The following CHI3L2 variants were observed in gnomAD, a reference collection of about 807,000 sequenced individuals.
CHI3L2 encodes chitinase-3-like protein 2.
In CHI3L2, 47 loss-of-function variants were observed where a neutral mutation model predicts 47.3. The observed-to-expected ratio is 0.99, with a 90% confidence interval of 0.79 to 1.27. The LOEUF is 1.27. Among genes scored for constraint, CHI3L2 ranks in the 50% most tolerant of loss-of-function variants. The pLI, the probability that CHI3L2 is intolerant of heterozygous loss-of-function variation, is 0.00. For missense variants in CHI3L2, 497 were observed against 462.1 expected (o/e 1.08, Z -0.69); for synonymous variants, 198 against 169.9 (o/e 1.17, Z -1.28).
chr1:111,233,562 G>C (rs928635574), intron 4 of CHI3L2, among the ~76,000 whole-genome samples: 1 of 152,062 alleles, frequency 6.6e-6, no homozygotes, highest in Non-Finnish European at 1.5e-5. Flanking sequence ...ATCCAGGAGG[G>C]AGGTGGGGGG....
chr1:111,238,933 G>C lies in CHI3L2; in HGVS notation c.918+1G>C, dbSNP rs202224198. ...TTCAGGCTTCCTGGCCTATTATGAG[G>C]TACCTGGAAACCCCCTGTACCCTCA... On this transcript the variant is annotated splice_donor_variant, in intron 8 of 10. Transcript: ENST00000369748. LOFTEE classifies it high-confidence loss of function. The C allele has an allele frequency of 1.1e-4, 174 of 1,585,676 alleles. No homozygotes were observed. The highest frequency in any genetic ancestry group is 3.5e-4 in the Middle Eastern group (2 of 5,736).
At chr1:111,239,110 T>C (rs1659973415) in intron 8 of CHI3L2, among the ~76,000 whole-genome samples, 178 bp downstream of exon 8, 1 of 152,116 alleles carries the variant, frequency 6.6e-6, no homozygotes, top group South Asian at 2.1e-4. Flanking sequence ...GAATGCTTCC[T>C]GGAGGAAGTG....
At chr1:111,239,133 C>T (rs1307350789) in intron 8 of CHI3L2, among the ~76,000 whole-genome samples, 1 of 152,104 alleles carries the variant, frequency 6.6e-6, no homozygotes, top group Non-Finnish European at 1.5e-5. Flanking sequence ...ATAAGCTGGA[C>T]TCTGAAGAGG....
chr1:111,241,055 G>A (rs1207351617), intron 8 of CHI3L2, among the ~76,000 whole-genome samples: 2 of 152,142 alleles, frequency 1.3e-5, no homozygotes, highest in African/African-American at 4.8e-5. Context: ...TTATTGGTCG[G>A]TGCTGGGGTC....
intron 4 of CHI3L2, among the ~76,000 whole-genome samples, 192 bp from the exon 5 acceptor site, chr1:111,234,715 C>T (rs932431812): frequency 6.6e-6 from 1 of 152,218 alleles, no homozygotes; most frequent in Non-Finnish European, 1.5e-5. Context: ...CTTCCTTTAC[C>T]TGGCTGGATC....
Position 111,235,734 on chromosome 1 carries a change from T to A in CHI3L2, c.576T>A (p.Asp192Glu), listed in dbSNP as rs769682705. Residue 192 changes from aspartate to glutamate, a missense_variant, in exon 6 of 11, where the codon GAT (aspartate) becomes GAA (glutamate). Transcript: ENST00000369748. ...AGVSAGRQMI[D>E]NSYQVEKLAK... ...TATCTGCAGGGAGGCAAATGATTGA[T>A]AACAGCTATCAAGTTGAGAAACTGG... 2.5e-6 allele frequency: 4 copies of A among 1,614,064 alleles called. No homozygotes were observed. Among genetic ancestry groups the A allele is most frequent in the Non-Finnish European group, 3.4e-6 (4 of 1,179,966 alleles).
chr1:111,235,964 T>G (rs1483768940), intron 6 of CHI3L2, 60 bp from the exon 7 acceptor site: 5 of 1,595,912 alleles, frequency 3.1e-6, no homozygotes, highest in Non-Finnish European at 4.3e-6. Flanking sequence ...AAACAATTAC[T>G]TACAATTGTT....
At chr1:111,241,569 C>A (rs892059196) in intron 9 of CHI3L2, 126 bp downstream of exon 9, 4 of 625,918 alleles carry the variant, frequency 6.4e-6, no homozygotes, top group East Asian at 2.7e-5. Context: ...GATCCAGCAG[C>A]CTTTATAGCT....
intron 7 of CHI3L2, 130 bp downstream of exon 7, chr1:111,236,283 C>A (rs1557709797): frequency 4.0e-6 from 4 of 991,608 alleles, no homozygotes; most frequent in Non-Finnish European, 4.4e-6. Context: ...TTGGGTAGCC[C>A]CAGGAGCAAG....
chr1:111,238,295 A>G (rs1312461605), intron 7 of CHI3L2, among the ~76,000 whole-genome samples: 1 of 152,130 alleles, frequency 6.6e-6, no homozygotes, highest in Non-Finnish European at 1.5e-5. Flanking sequence ...CTCTTCAAAT[A>G]TTTTACAGAG....
intron 8 of CHI3L2, among the ~76,000 whole-genome samples, chr1:111,240,404 T>G (rs934386476): frequency 1.3e-5 from 2 of 152,200 alleles, no homozygotes; most frequent in African/African-American, 4.8e-5. Flanking sequence ...GGAGAGAGGC[T>G]GACCCATCCT....
chr1:111,234,500 C>A (rs911046621), intron 4 of CHI3L2, among the ~76,000 whole-genome samples: 6 of 152,186 alleles, frequency 3.9e-5, no homozygotes, highest in Admixed American at 6.5e-5. Flanking sequence ...GGTGAGTAAT[C>A]AGGTACCAGG....
Position 111,242,262 on chromosome 1 carries a change from C to A in CHI3L2, c.1071C>A (p.Ala357=), listed in dbSNP as rs1047247923. ...TAAAGAATTTAAACCTGGGAGGAGC[C>A]ATGATCTGGTCTATTGACATGGATG... The part of the protein sequence containing the change: ...QFLKNLNLGG[A]MIWSIDMDDF... The change falls in exon 10 of 11, where the codon GCC becomes GCA. Residue 357 remains alanine, a synonymous_variant. Transcript: ENST00000369748. The A allele has an allele frequency of 7.4e-6, 12 of 1,614,010 alleles. No individual in the cohort carries two copies. Among genetic ancestry groups the A allele is most frequent in the Non-Finnish European group, 9.3e-6 (11 of 1,180,000 alleles).
chr1:111,243,197 AT>A lies in CHI3L2; in HGVS notation c.*3-15del, dbSNP rs1451720282. 1 of 455,768 alleles carries A rather than the reference AT, an allele frequency of 2.2e-6. No homozygotes were observed. Among genetic ancestry groups the A allele is most frequent in the African/African-American group, 2.0e-5 (1 of 50,014 alleles). 28.2% of individuals were successfully genotyped at this position (455,768 alleles called of 1,614,324 possible). A position where few individuals can be genotyped will look rare whatever the true frequency, so the allele number is the denominator to read the frequency against. ...AGTTTACTGAGTTGGGCTTTGAAAT[AT>A]TTTTCCTTTTGTTTCCAGGATTAAC... On this transcript the variant is annotated intron_variant, in intron 10 of 10. Transcript: ENST00000369748.
chr1:111,242,984 G>A (rs545929633), intron 10 of CHI3L2, among the ~76,000 whole-genome samples: 16 of 152,330 alleles, frequency 1.1e-4, no homozygotes, highest in African/African-American at 3.1e-4. Flanking sequence ...GTTATGCTGT[G>A]ATACATTGGT....
chr1:111,229,598 C>A, intron 1 of CHI3L2: 1 of 360,972 alleles, frequency 2.8e-6, no homozygotes, highest in Non-Finnish European at 4.1e-6. Context: ...AGGAGAATGG[C>A]GTGAACCCGG....
Position 111,243,304 on chromosome 1 carries a change from A to G in CHI3L2, c.*90A>G. Reference sequence around the variant, plus strand: ...ATTCTCATGTGGGATTCCCCTTGCCAGGCTGGCCTTTGGATCTCTCTTCCA... The same window carrying G: ...ATTCTCATGTGGGATTCCCCTTGCCGGGCTGGCCTTTGGATCTCTCTTCCA... On this transcript the variant is annotated 3_prime_UTR_variant, in exon 11 of 11. Transcript: ENST00000369748. 1 of 454,790 alleles carries G rather than the reference A, an allele frequency of 2.2e-6. No individual in the cohort carries two copies. The highest frequency in any genetic ancestry group is 4.4e-6 in the Non-Finnish European group (1 of 226,086). The allele number at this position is 454,790 out of a possible 1,614,324, so 28.2% of individuals were successfully genotyped here.
chr1:111,235,147 CA>C (rs1304202929), intron 5 of CHI3L2, 90 bp downstream of exon 5: 15 of 1,367,576 alleles, frequency 1.1e-5, no homozygotes, highest in Non-Finnish European at 1.5e-5. Flanking sequence ...CATTGGGAGA[CA>C]AAAAGGAGGA....
rs775656807 is a variant in CHI3L2, at chr1:111,242,354, G to T, written c.1163G>T (p.Gly388Val). Residue 388 changes from glycine (G) to valine (V), a missense_variant, in exon 10 of 11, where the codon GGC becomes GTC. By Grantham distance (109) the Gly-to-Val change is moderately radical. Transcript: ENST00000369748. Reference sequence around the variant, plus strand: ...GTCCAAGCAGTCAAGAGAAGCCTTGGCTCCCTGTGAAGGTAACAGTCCAGG... The same window carrying T: ...GTCCAAGCAGTCAAGAGAAGCCTTGTCTCCCTGTGAAGGTAACAGTCCAGG... ...PLVQAVKRSL[G>V]SL The T allele has an allele frequency of 3.1e-6, 5 of 1,607,660 alleles. No individual in the cohort carries two copies. In the African/African-American group the frequency reaches 6.7e-5, roughly 22 times the overall value.
Sources: gnomAD v4.1 joint callset for allele counts (sites outside exome capture counted in the v4.1 genomes callset) on GRCh38, gnomAD v4.1.1 for gene constraint, MANE v1.5 for transcripts, NCBI Gene and HGNC (gene_info 2026-07-23, HGNC 2026-07-21) for gene names.